CEMIP: variants seen among roughly 807,000 people sequenced by gnomAD.
CEMIP encodes the protein cell migration inducing hyaluronidase 1.
CEMIP carries 105 observed loss-of-function variants against 156.9 expected under a neutral mutation model. The observed-to-expected ratio is 0.67, with a 90% confidence interval of 0.57 to 0.79. The LOEUF (loss-of-function observed/expected upper bound fraction) is 0.79. Among genes scored for constraint, CEMIP ranks in the 30% least tolerant of loss-of-function variants. The probability of loss-of-function intolerance (pLI) is 0.00; values close to 1 mark genes in which losing one functional copy is unlikely to be tolerated. For missense variants in CEMIP, 1,457 were observed against 1,769.4 expected, an observed-to-expected ratio of 0.82 and a Z score of 3.17; for synonymous variants, 676 against 668.4, an observed-to-expected ratio of 1.01 and a Z score of -0.17.
intron 1 of CEMIP, among the ~76,000 whole-genome samples, chr15:80,856,933 G>A (rs1897865885): frequency 6.6e-6 from 1 of 152,172 alleles, no homozygotes; most frequent in African/African-American, 2.4e-5. Context: ...GTGGCACCCA[G>A]GGCAGTAAAA....
intron 7 of CEMIP, among the ~76,000 whole-genome samples, chr15:80,887,181 TAAG>T (rs1284480428): frequency 6.6e-5 from 10 of 152,146 alleles, no homozygotes; most frequent in African/African-American, 9.7e-5. Context: ...CCCTCCCCAT[TAAG>T]AAGAAGAGAG....
In CEMIP at chr15:80,928,935, C is replaced by T; in HGVS notation, c.2454C>T (p.Ala818=). 1 of 1,614,222 alleles carries T rather than the reference C, an allele frequency of 6.2e-7. No homozygotes were observed. Among genetic ancestry groups the T allele is most frequent in the Non-Finnish European group, 8.5e-7 (1 of 1,180,042 alleles). The change falls in exon 20 of 30, where the codon GCC becomes GCT. Residue 818 remains alanine (A), a splice_region_variant and synonymous_variant. Coordinates refer to ENST00000394685, the MANE Select transcript of CEMIP (RefSeq NM_001293298.2). Reference sequence around the variant, plus strand: ...ACAATGGCATTGGCCTGACCCTGGCCAGGTAAGGGCAACTGTCATTGTACT... The same window carrying T: ...ACAATGGCATTGGCCTGACCCTGGCTAGGTAAGGGCAACTGTCATTGTACT... The part of the protein sequence containing the change: ...FADNGIGLTL[A]SGGTFPYDDG...
At chr15:80,901,085 A>C (rs1596173626) in intron 12 of CEMIP, 2 of 392,290 alleles carry the variant, frequency 5.1e-6, no homozygotes, top group South Asian at 1.9e-5. Flanking sequence ...GGCAGTTGGA[A>C]CTCCCCTCCC....
rs78700030 is a variant in CEMIP at position 80,900,650 on chromosome 15, C to T, written c.1411+4590C>T. Among the ~76,000 whole-genome samples, 373 of 84,610 alleles carry T rather than the reference C, an allele frequency of 4.4e-3. 4 individuals carry two copies. The highest frequency in any genetic ancestry group is 0.015 in the African/African-American group (340 of 22,464). The allele number at this position is 84,610 out of a possible 152,430, so 55.5% of individuals were successfully genotyped here. A position where few individuals can be genotyped will look rare whatever the true frequency, so the allele number is the denominator to read the frequency against. ...TGTGTGTGTGTGTGTGTGTGTGTGT[C>T]TGTGTGTGTGTCTGTGTGTGTGTGT... On this transcript the variant is annotated intron_variant, in intron 12 of 29. Transcript: ENST00000394685.
At chr15:80,948,438 GAGGGGCAGGGACTTGCTGGTTGTCCT>G (rs1251095981) in intron 29 of CEMIP, 1 of 358,764 alleles carries the variant, frequency 2.8e-6, no homozygotes, top group African/African-American at 2.1e-5. Flanking sequence ...GGGCTTCAGA[GAGGGGCAGGGACTTGCTGGTTGTCCT>G]AGGGGCAGCT....
At position 80,877,836 on chromosome 15, in the gene CEMIP, T is replaced by C. The variant is rs182715840; in HGVS notation, c.95-885T>C. Among the ~76,000 whole-genome samples, 54 of 152,322 alleles carry C rather than the reference T, an allele frequency of 3.5e-4. 1 individual carries two copies. The East Asian group carries it at 9.8e-3, about 28-fold the overall frequency. On this transcript the variant is annotated intron_variant, in intron 3 of 29. Transcript: ENST00000394685. ...CCACATGTCACACTGGTCCTCAGAC[T>C]CCTTTGGAAAATATAGAATAGGAAA... is the stretch of plus-strand genomic sequence containing the variant.
chr15:80,862,212 C>T (rs1384919781), intron 1 of CEMIP, among the ~76,000 whole-genome samples: 1 of 152,200 alleles, frequency 6.6e-6, no homozygotes, highest in Admixed American at 6.5e-5. Context: ...CATGCATCCA[C>T]TGATTTATAA....
In CEMIP at chr15:80,829,990, G is replaced by GTGTGTGTGTGTGTGTGTGTT. The variant is rs112056985; in HGVS notation, c.-175-43536_-175-43535insTGTGTGTTTGTGTGTGTGTG. Among the ~76,000 whole-genome samples the GTGTGTGTGTGTGTGTGTGTT allele has an allele frequency of 6.6e-4, 99 of 149,282 alleles. 1 individual carries two copies. The highest frequency in any genetic ancestry group is 2.4e-3 in the African/African-American group (98 of 40,044). On this transcript the variant is annotated intron_variant, in intron 1 of 29. Coordinates refer to ENST00000394685, the MANE Select transcript of CEMIP (RefSeq NM_001293298.2). ...GGTGTGTGTGTGTGTGTGTGTGTGT[G>GTGTGTGTGTGTGTGTGTGTT]TGTGTGTGTGTGCGCGCATGTCCTT... is the stretch of plus-strand genomic sequence containing the variant.
At chr15:80,802,258 A>G (rs61035147) in intron 1 of CEMIP, among the ~76,000 whole-genome samples, 5,354 of 152,350 alleles carry the variant, frequency 0.035, 335 homozygotes, top group African/African-American at 0.12. Flanking sequence ...GGCAGACACC[A>G]TAAGGCGGGA....
intron 1 of CEMIP, chr15:80,842,117 C>A: frequency 1.9e-6 from 1 of 521,772 alleles, no homozygotes; most frequent in Non-Finnish European, 3.9e-6. Flanking sequence ...AACTTAGAAA[C>A]ACACTCTTGG....
In CEMIP at chr15:80,879,855, G is replaced by A. The variant is rs369226290; in HGVS notation, c.380+1G>A. The A allele has an allele frequency of 6.2e-7, 1 of 1,614,084 alleles. No individual in the cohort carries two copies. Among genetic ancestry groups the A allele is most frequent in the Non-Finnish European group, 8.5e-7 (1 of 1,180,006 alleles). On this transcript the variant is annotated splice_donor_variant, in intron 5 of 29. Transcript: ENST00000394685. LOFTEE classifies it high-confidence loss of function. ...ATTTCACCATCATTTTGTATGGAAGGTGCGTAGACCACTCCTACAGATCAA... is the reference window on the plus strand; with the variant it reads ...ATTTCACCATCATTTTGTATGGAAGATGCGTAGACCACTCCTACAGATCAA...
chr15:80,919,401 G>A (rs954661696), intron 14 of CEMIP, among the ~76,000 whole-genome samples: 8 of 152,162 alleles, frequency 5.3e-5, no homozygotes, highest in Admixed American at 2.6e-4. Context: ...GTGGGTGCAC[G>A]TGGCCCAGCC....
chr15:80,893,834 CTTT>C (rs1210932013), intron 10 of CEMIP, among the ~76,000 whole-genome samples: 19 of 142,850 alleles, frequency 1.3e-4, no homozygotes, highest in African/African-American at 3.1e-4. Flanking sequence ...AAAGTCTCCT[CTTT>C]TTTTTTTTTT....
chr15:80,832,867 G>A (rs1414093701), intron 1 of CEMIP, among the ~76,000 whole-genome samples: 1 of 152,166 alleles, frequency 6.6e-6, no homozygotes, highest in African/African-American at 2.4e-5. Flanking sequence ...GGCTGGGGCT[G>A]GAAGCATCTG....
chr15:80,887,814 C>A, intron 8 of CEMIP, 50 bp downstream of exon 8: 1 of 1,434,118 alleles, frequency 7.0e-7, no homozygotes, highest in Non-Finnish European at 9.8e-7. Flanking sequence ...TCTCTCTGAT[C>A]AAGAGGTGCA....
intron 1 of CEMIP, among the ~76,000 whole-genome samples, chr15:80,811,139 A>C (rs1896662827): frequency 6.6e-6 from 1 of 152,328 alleles, no homozygotes; most frequent in Middle Eastern, 3.4e-3. Flanking sequence ...CAAAAAACTA[A>C]ATAGAATTCA....
intron 1 of CEMIP, among the ~76,000 whole-genome samples, chr15:80,848,317 C>T (rs183747007): frequency 1.3e-4 from 20 of 152,168 alleles, no homozygotes; most frequent in African/African-American, 4.6e-4. Context: ...TTCTGGGAAA[C>T]GGACTGATGA....
intron 1 of CEMIP, among the ~76,000 whole-genome samples, chr15:80,796,288 A>C (rs1896221543): frequency 6.6e-6 from 1 of 152,154 alleles, no homozygotes; most frequent in Admixed American, 6.5e-5. Flanking sequence ...CAAGTATTTT[A>C]AAGAGGGCTT....
At chr15:80,855,778 C>T (rs1394608278) in intron 1 of CEMIP, among the ~76,000 whole-genome samples, 1 of 152,230 alleles carries the variant, frequency 6.6e-6, no homozygotes, top group Admixed American at 6.5e-5. Context: ...CTGCCTCAGC[C>T]TCTGAAAGTG....
Sources: allele counts gnomAD v4.1 joint callset (sites outside exome capture counted in the v4.1 genomes callset), GRCh38; gene constraint gnomAD v4.1.1; transcripts MANE v1.5; gene names NCBI Gene and HGNC (gene_info 2026-07-23, HGNC 2026-07-21).